CNTN4: variants seen among roughly 807,000 people sequenced by gnomAD.
CNTN4 encodes the protein contactin-4.
Under a neutral mutation model 122.5 loss-of-function variants are expected in CNTN4, and 77 were observed. The observed-to-expected ratio is 0.63, with a 90% CI of 0.52 to 0.76. The LOEUF is 0.76. Ranked by LOEUF, CNTN4 falls within the 30% of genes least tolerant of loss-of-function variation. The pLI, the probability that CNTN4 is intolerant of heterozygous loss-of-function variation, is 0.00. For missense variants in CNTN4, 1,256 were observed against 1,259.1 expected (o/e 1.00, Z 0.04); for synonymous variants, 512 against 447.0 (o/e 1.15, Z -1.83).
In CNTN4 at chr3:2,981,410, C is replaced by G. The variant is rs546273029; in HGVS notation, c.1359-6935C>G. Among the ~76,000 whole-genome samples, 70 of 152,186 alleles carry G rather than the reference C, an allele frequency of 4.6e-4. 2 individuals carry two copies. The highest frequency in any genetic ancestry group is 2.6e-4 in the Non-Finnish European group (18 of 68,014). ...AGTGAGCCGAGATCGCAGCACTGCACTCCAGCCTGGGCGACAGAGCGAGAC... is the reference window on the plus strand; with the variant it reads ...AGTGAGCCGAGATCGCAGCACTGCAGTCCAGCCTGGGCGACAGAGCGAGAC... On this transcript the variant is annotated intron_variant, in intron 13 of 24. Transcript: ENST00000418658.
intron 4 of CNTN4, among the ~76,000 whole-genome samples, chr3:2,585,056 C>T (rs907073877): frequency 3.9e-5 from 6 of 152,172 alleles, no homozygotes; most frequent in Non-Finnish European, 8.8e-5. Flanking sequence ...TACTACATCA[C>T]TCACCTAATA....
At chr3:2,313,251 A>G (rs2042976759) in intron 2 of CNTN4, among the ~76,000 whole-genome samples, 1 of 151,984 alleles carries the variant, frequency 6.6e-6, no homozygotes, top group Non-Finnish European at 1.5e-5. Context: ...AAATATAGTC[A>G]TTATAAGAAG....
intron 7 of CNTN4, among the ~76,000 whole-genome samples, chr3:2,862,930 T>G (rs2093685332): frequency 6.6e-6 from 1 of 152,206 alleles, no homozygotes; most frequent in African/African-American, 2.4e-5. Context: ...GAAGAGCTCT[T>G]ACTTTGTCCT....
chr3:2,968,557 AATTGT>A (rs1317884394), intron 13 of CNTN4, among the ~76,000 whole-genome samples: 1 of 152,206 alleles, frequency 6.6e-6, no homozygotes, highest in Non-Finnish European at 1.5e-5. Flanking sequence ...AACTCTGAAT[AATTGT>A]ATTGTAAGTC....
intron 3 of CNTN4, among the ~76,000 whole-genome samples, chr3:2,381,051 G>C (rs893015534): frequency 2.0e-5 from 3 of 151,486 alleles, no homozygotes; most frequent in African/African-American, 7.3e-5. Context: ...AGTCGCCCAG[G>C]CTGGAGTGCA....
intron 14 of CNTN4, among the ~76,000 whole-genome samples, chr3:3,018,132 C>A (rs1697941174): frequency 6.6e-6 from 1 of 151,596 alleles, no homozygotes; most frequent in African/African-American, 2.4e-5. Flanking sequence ...ATTAATGTTT[C>A]TCCCATTTAA....
chr3:2,864,738 C>T (rs1373908846), intron 7 of CNTN4, among the ~76,000 whole-genome samples: 1 of 12,646 alleles, frequency 7.9e-5, no homozygotes, highest in Non-Finnish European at 1.4e-4. Context: ...AAAACTCCAT[C>T]TCAAAAAAAA....
At chr3:2,109,647 A>C (rs1405854052) in intron 2 of CNTN4, among the ~76,000 whole-genome samples, 1 of 152,222 alleles carries the variant, frequency 6.6e-6, no homozygotes, top group Non-Finnish European at 1.5e-5. Context: ...ATATGACTCA[A>C]ATCACCAAGT....
chr3:2,957,236 C>A (rs1292003368), intron 13 of CNTN4, among the ~76,000 whole-genome samples: 2 of 151,996 alleles, frequency 1.3e-5, no homozygotes, highest in East Asian at 1.9e-4. Flanking sequence ...ATGGTTATAC[C>A]AATTTACATT....
At chr3:2,145,999 AC>A (rs1325184306) in intron 2 of CNTN4, among the ~76,000 whole-genome samples, 4 of 151,408 alleles carry the variant, frequency 2.6e-5, no homozygotes, top group African/African-American at 9.7e-5. Flanking sequence ...AATCTTTAAT[AC>A]TTTTATCTGA....
At chr3:2,818,292 T>G (rs2092786477) in intron 6 of CNTN4, among the ~76,000 whole-genome samples, 1 of 152,246 alleles carries the variant, frequency 6.6e-6, no homozygotes, top group Non-Finnish European at 1.5e-5. Context: ...TATGTAACTT[T>G]TTAAATATCC....
At chr3:2,217,693 A>AG (rs57959944) in intron 2 of CNTN4, among the ~76,000 whole-genome samples, 3 of 149,974 alleles carry the variant, frequency 2.0e-5, no homozygotes, top group Middle Eastern at 3.4e-3. Flanking sequence ...AGAGAGAGAG[A>AG]AAAAAATCTC....
intron 7 of CNTN4, among the ~76,000 whole-genome samples, chr3:2,839,476 G>T (rs1019258553): frequency 8.6e-5 from 13 of 151,290 alleles, no homozygotes; most frequent in Non-Finnish European, 1.8e-4. Context: ...GGTGATTTTT[G>T]TACCTCTGAA....
chr3:3,042,744 A>G (rs1178279722), intron 21 of CNTN4: 2 of 596,800 alleles, frequency 3.4e-6, no homozygotes, highest in Non-Finnish European at 5.9e-6. Context: ...AAAATAATGA[A>G]CGACGGTTGT....
chr3:2,413,388 T>A (rs1028152221), intron 3 of CNTN4, among the ~76,000 whole-genome samples: 1 of 152,246 alleles, frequency 6.6e-6, no homozygotes, highest in African/African-American at 2.4e-5. Flanking sequence ...CTTGAAGCAT[T>A]AAGCCTCTTG....
At chr3:2,237,577 C>T (rs1381063885) in intron 2 of CNTN4, among the ~76,000 whole-genome samples, 2 of 152,066 alleles carry the variant, frequency 1.3e-5, no homozygotes, top group African/African-American at 4.8e-5. Flanking sequence ...GTGCTTATGC[C>T]ATTTAAAAGC....
chr3:2,869,534 C>G (rs947816574), intron 8 of CNTN4, among the ~76,000 whole-genome samples: 1 of 152,176 alleles, frequency 6.6e-6, no homozygotes, highest in African/African-American at 2.4e-5. Flanking sequence ...AAGGAAAAAT[C>G]AAGAATACTA....
At chr3:3,029,801 G>C (rs1699018152) in intron 15 of CNTN4, among the ~76,000 whole-genome samples, 1 of 152,116 alleles carries the variant, frequency 6.6e-6, no homozygotes, top group South Asian at 2.1e-4. Flanking sequence ...ACCTGCCTCA[G>C]AGGACATGTG....
chr3:2,331,846 C>T (rs959065764), intron 2 of CNTN4, among the ~76,000 whole-genome samples: 1 of 152,154 alleles, frequency 6.6e-6, no homozygotes, highest in African/African-American at 2.4e-5. Flanking sequence ...AAACTGCATG[C>T]CCTTTGCAAA....
Sources: gnomAD v4.1 joint callset for allele counts (sites outside exome capture counted in the v4.1 genomes callset) on GRCh38, gnomAD v4.1.1 for gene constraint, MANE v1.5 for transcripts, NCBI Gene and HGNC (gene_info 2026-07-23, HGNC 2026-07-21) for gene names.